MCTP1: variants seen among roughly 807,000 people sequenced by gnomAD.
MCTP1 encodes multiple C2 and transmembrane domain containing 1.
MCTP1 carries 69 observed loss-of-function variants against 120.6 expected under a neutral mutation model. The observed-to-expected ratio is 0.57, with a 90% CI of 0.47 to 0.70. The LOEUF (loss-of-function observed/expected upper bound fraction) is 0.70. MCTP1 is among the 30% of genes least tolerant of loss of function. The pLI, the probability that MCTP1 is intolerant of heterozygous loss-of-function variation, is 0.00. For missense variants in MCTP1, 1,203 were observed against 1,248.8 expected (o/e 0.96, Z 0.55); for synonymous variants, 529 against 493.1 (o/e 1.07, Z -0.96).
At chr5:95,031,144 C>A (rs1840207566) in intron 1 of MCTP1, among the ~76,000 whole-genome samples, 1 of 150,550 alleles carries the variant, frequency 6.6e-6, no homozygotes, top group Non-Finnish European at 1.5e-5. Flanking sequence ...TTATGTAAAG[C>A]AAACAAATCT....
At chr5:94,751,479 C>G (rs6889024) in intron 19 of MCTP1, among the ~76,000 whole-genome samples, 89,392 of 151,254 alleles carry the variant, frequency 0.59, 27,320 homozygotes, top group African/African-American at 0.75. Context: ...ACCTTGAAAG[C>G]CTAATAAAAG....
chr5:95,180,728 G>A (rs1046198718), intron 1 of MCTP1, among the ~76,000 whole-genome samples: 24 of 152,010 alleles, frequency 1.6e-4, no homozygotes, highest in Admixed American at 6.6e-5. Context: ...TCTAGCCACC[G>A]TCTCTTCCCT....
At chr5:95,045,239 C>T (rs1325660555) in intron 1 of MCTP1, among the ~76,000 whole-genome samples, 1 of 152,192 alleles carries the variant, frequency 6.6e-6, no homozygotes, top group Non-Finnish European at 1.5e-5. Context: ...CTCATGTTAC[C>T]TCCTCCAAGA....
chr5:94,839,668 C>T (rs1790574680), intron 17 of MCTP1, among the ~76,000 whole-genome samples: 5 of 152,188 alleles, frequency 3.3e-5, no homozygotes, highest in Admixed American at 2.0e-4. Flanking sequence ...TGCACATTCT[C>T]TCTTCTATTG....
intron 2 of MCTP1, among the ~76,000 whole-genome samples, chr5:94,958,250 T>C (rs940964893): frequency 2.0e-5 from 3 of 151,988 alleles, no homozygotes; most frequent in Admixed American, 6.6e-5. Context: ...ACCAGAACCT[T>C]TGGGACACAG....
At chr5:94,888,473 T>C (rs1179231909) in intron 12 of MCTP1, among the ~76,000 whole-genome samples, 1 of 152,170 alleles carries the variant, frequency 6.6e-6, no homozygotes, top group African/African-American at 2.4e-5. Context: ...TATTGAGTAT[T>C]ATGCACCTAA....
chr5:95,105,082 G>A (rs1357141940), intron 1 of MCTP1, among the ~76,000 whole-genome samples: 27 of 152,164 alleles, frequency 1.8e-4, no homozygotes. Context: ...ATAGCATGCT[G>A]TATATATTTT....
At chr5:94,974,546 C>A (rs1248566920) in intron 2 of MCTP1, among the ~76,000 whole-genome samples, 1 of 151,862 alleles carries the variant, frequency 6.6e-6, no homozygotes, top group Non-Finnish European at 1.5e-5. Flanking sequence ...AAGACCCTAT[C>A]CCTGAAAAAT....
intron 1 of MCTP1, among the ~76,000 whole-genome samples, chr5:95,130,286 T>C (rs1758945786): frequency 6.6e-6 from 1 of 152,182 alleles, no homozygotes; most frequent in Admixed American, 6.5e-5. Flanking sequence ...GTCTCCTATC[T>C]CCTACCTCCT....
At position 94,705,713 on chromosome 5, in the gene MCTP1, C is replaced by T. The variant is rs908061973; in HGVS notation, c.*1783G>A. 6.6e-6 allele frequency: 1 copy of T among 151,648 alleles called. No homozygotes were observed. The allele number at this position is 151,648 out of a possible 1,614,324, so 9.4% of individuals were successfully genotyped here. The stretch of plus-strand genomic sequence containing the variant: ...TATCAGGCTTATAGACATTTGAGTA[C>T]ACATTGTCAGCACAGAACATAAAAG... On this transcript the variant is annotated 3_prime_UTR_variant, in exon 23 of 23. Transcript: ENST00000515393.
chr5:94,859,312 G>T (rs1444187847), intron 17 of MCTP1, among the ~76,000 whole-genome samples: 1 of 151,668 alleles, frequency 6.6e-6, no homozygotes, highest in Non-Finnish European at 1.5e-5. Context: ...GGCAGTGGGG[G>T]ACAGGGTAGA....
At chr5:94,842,997 A>G (rs1791471867) in intron 17 of MCTP1, among the ~76,000 whole-genome samples, 1 of 151,984 alleles carries the variant, frequency 6.6e-6, no homozygotes. Flanking sequence ...CAATGAGAAA[A>G]CATTCTTGAT....
At chr5:94,954,688 TAAA>T (rs1822113307) in intron 2 of MCTP1, among the ~76,000 whole-genome samples, 1 of 152,228 alleles carries the variant, frequency 6.6e-6, no homozygotes, top group Non-Finnish European at 1.5e-5. Context: ...TTCACTGATT[TAAA>T]TAGTTTTAAC....
intron 2 of MCTP1, among the ~76,000 whole-genome samples, chr5:94,976,223 C>T (rs13354427): frequency 0.28 from 42,897 of 152,082 alleles, 6,313 homozygotes; most frequent in South Asian, 0.38. Context: ...TTGGCATTCA[C>T]TGTAATTCCT....
At chr5:94,832,465 C>T (rs901373357) in intron 17 of MCTP1, among the ~76,000 whole-genome samples, 11 of 152,098 alleles carry the variant, frequency 7.2e-5, no homozygotes, top group African/African-American at 2.4e-4. Context: ...TTTCTTTGAT[C>T]GACGATGTGA....
Position 94,705,611 on chromosome 5 carries a change from C to G in MCTP1, c.*1885G>C, listed in dbSNP as rs1754376916. 2 of 150,816 alleles carry G rather than the reference C, an allele frequency of 1.3e-5. No individual in the cohort carries two copies. The highest frequency in any genetic ancestry group is 3.0e-5 in the Non-Finnish European group (2 of 67,574). The allele number at this position is 150,816 out of a possible 1,614,324, so 9.3% of individuals were successfully genotyped here. On this transcript the variant is annotated 3_prime_UTR_variant, in exon 23 of 23. Transcript: ENST00000515393. The stretch of plus-strand genomic sequence containing the variant: ...TCAGCATTACCATTGAACTAAACAT[C>G]TGAAATTTGATACAGTGAAACAAAT...
At chr5:95,001,193 G>A (rs1833614755) in intron 2 of MCTP1, among the ~76,000 whole-genome samples, 1 of 152,208 alleles carries the variant, frequency 6.6e-6, no homozygotes, top group South Asian at 2.1e-4. Flanking sequence ...GGAACTGTGA[G>A]TCAATTAAAC....
chr5:95,066,959 C>A (rs570995079), intron 1 of MCTP1, among the ~76,000 whole-genome samples: 1 of 152,274 alleles, frequency 6.6e-6, no homozygotes, highest in African/African-American at 2.4e-5. Context: ...TGAGAATCTA[C>A]GGCCGCTGTT....
intron 1 of MCTP1, among the ~76,000 whole-genome samples, chr5:95,101,030 CATGACTT>C: frequency 6.6e-6 from 1 of 152,196 alleles, no homozygotes; most frequent in East Asian, 1.9e-4. Context: ...GTGACAATGT[CATGACTT>C]ACGCTGTAAG....
Sources: gnomAD v4.1 joint callset for allele counts (sites outside exome capture counted in the v4.1 genomes callset) on GRCh38, gnomAD v4.1.1 for gene constraint, MANE v1.5 for transcripts, NCBI Gene and HGNC (gene_info 2026-07-23, HGNC 2026-07-21) for gene names.